The following DCDC1 variants were observed in gnomAD, a reference collection of about 807,000 sequenced individuals.
DCDC1 encodes the protein doublecortin domain-containing protein 1.
Under a neutral mutation model 178.3 loss-of-function variants are expected in DCDC1, and 200 were observed. The ratio of observed to expected loss-of-function variants is 1.12; its 90% CI spans 1.00 to 1.26. DCDC1 has a LOEUF of 1.26. Ranked by LOEUF, DCDC1 falls within the 50% of genes most tolerant of loss-of-function variation. The pLI is 0.00. For missense variants in DCDC1, 1,983 were observed against 1,749.2 expected (o/e 1.13, Z -2.38); for synonymous variants, 690 against 604.8 (o/e 1.14, Z -2.07).
chr11:31,270,679 G>A (rs1475934152), intron 7 of DCDC1, among the ~76,000 whole-genome samples: 2 of 152,140 alleles, frequency 1.3e-5, no homozygotes, highest in Non-Finnish European at 2.9e-5. Context: ...ACAATCTCAA[G>A]TTTGGAAAGT....
chr11:31,134,998 A>C (rs1323231126), intron 10 of DCDC1, among the ~76,000 whole-genome samples: 1 of 152,160 alleles, frequency 6.6e-6, no homozygotes, highest in East Asian at 1.9e-4. Flanking sequence ...CCTATCTCTA[A>C]AATAAAAAAA....
intron 3 of DCDC1, among the ~76,000 whole-genome samples, chr11:31,321,782 C>G (rs1302597589): frequency 6.6e-6 from 1 of 152,118 alleles, no homozygotes; most frequent in African/African-American, 2.4e-5. Context: ...GATCTCAACT[C>G]AGAACTTACA....
In DCDC1 at chr11:30,925,296, T is replaced by C. The variant is rs762091762; in HGVS notation, c.2997+13A>G. Reference sequence around the variant, plus strand: ...ATAAATTAATATTGCCAGTTTCAAATCCATGTCTTTACCAGTTCATCTCTT... The same window carrying C: ...ATAAATTAATATTGCCAGTTTCAAACCCATGTCTTTACCAGTTCATCTCTT... On this transcript the variant is annotated intron_variant, in intron 23 of 38. Transcript: ENST00000684477. 6 of 1,608,018 alleles carry C rather than the reference T, an allele frequency of 3.7e-6. No individual in the cohort carries two copies. In the African/African-American group the frequency reaches 8.0e-5, roughly 22 times the overall value.
chr11:31,001,756 TTC>T (rs1364902843), intron 20 of DCDC1, among the ~76,000 whole-genome samples: 1 of 152,246 alleles, frequency 6.6e-6, no homozygotes, highest in African/African-American at 2.4e-5. Context: ...ATGATACACT[TTC>T]TGTTTCCTAT....
At chr11:31,326,369 C>T (rs1450949177) in intron 3 of DCDC1, among the ~76,000 whole-genome samples, 1 of 134,490 alleles carries the variant, frequency 7.4e-6, no homozygotes, top group Non-Finnish European at 1.7e-5. Context: ...TTTAGCTTTA[C>T]CATAAAAAAA....
At chr11:30,920,325 C>A (rs2134237696) in intron 25 of DCDC1, among the ~76,000 whole-genome samples, 1 of 152,230 alleles carries the variant, frequency 6.6e-6, no homozygotes, top group East Asian at 1.9e-4. Flanking sequence ...AGTTAATTGT[C>A]TACAGTTTAA....
intron 18 of DCDC1, among the ~76,000 whole-genome samples, chr11:31,066,652 A>G (rs1396960179): frequency 2.6e-5 from 4 of 152,234 alleles, no homozygotes; most frequent in East Asian, 3.8e-4. Flanking sequence ...ATTACTAAAC[A>G]TAAGAGTCGA....
intron 20 of DCDC1, among the ~76,000 whole-genome samples, chr11:30,980,992 C>A (rs1950367059): frequency 6.6e-6 from 1 of 152,042 alleles, no homozygotes; most frequent in African/African-American, 2.4e-5. Flanking sequence ...ATATATACAC[C>A]ACGAATACAA....
rs200169786 is a variant in DCDC1 at position 31,290,687 on chromosome 11, T to C, written c.920A>G (p.Asp307Gly). ...TTTTCCCACTGTAATCTCATGCCCA[T>C]CCTGCCCCATGCCATTCTTAAAGAA... ...ILFFKNGMGQ[D>G]GHEITVGKET... The change falls in exon 7 of 39, where the codon GAT (aspartate) becomes GGT (glycine). Residue 307 changes from aspartate to glycine, a missense_variant. By Grantham distance (94) the Asp-to-Gly change is moderately conservative. Transcript: ENST00000684477. 29 of 1,613,382 alleles carry C rather than the reference T, an allele frequency of 1.8e-5. No individual in the cohort carries two copies. Among genetic ancestry groups the C allele is most frequent in the Non-Finnish European group, 2.3e-5 (27 of 1,179,502 alleles).
intron 8 of DCDC1, among the ~76,000 whole-genome samples, chr11:31,257,065 C>A (rs1398371414): frequency 6.6e-6 from 1 of 152,132 alleles, no homozygotes; most frequent in East Asian, 1.9e-4. Context: ...ATATTTGCTG[C>A]TTTTCTGTAT....
intron 37 of DCDC1, among the ~76,000 whole-genome samples, chr11:30,880,782 G>T (rs1015377204): frequency 3.3e-5 from 5 of 152,100 alleles, no homozygotes; most frequent in Non-Finnish European, 7.4e-5. Context: ...AAAAGAAACT[G>T]CAAACCACAT....
chr11:31,284,592 A>C (rs1329117153), intron 7 of DCDC1, among the ~76,000 whole-genome samples: 2 of 152,092 alleles, frequency 1.3e-5, no homozygotes, highest in Non-Finnish European at 2.9e-5. Context: ...AATAATTTTA[A>C]TAAAAAACAC....
chr11:30,975,160 T>A (rs1272620758), intron 20 of DCDC1, among the ~76,000 whole-genome samples: 1 of 152,084 alleles, frequency 6.6e-6, no homozygotes, highest in Non-Finnish European at 1.5e-5. Flanking sequence ...AAGCATTTGA[T>A]AAAATTTAAC....
At chr11:31,327,293 C>T (rs1047212184) in intron 3 of DCDC1, among the ~76,000 whole-genome samples, 5 of 151,992 alleles carry the variant, frequency 3.3e-5, no homozygotes, top group African/African-American at 7.3e-5. Flanking sequence ...CTCAGCCTCC[C>T]GAGTAGCTGG....
intron 9 of DCDC1, among the ~76,000 whole-genome samples, chr11:31,238,380 G>C (rs1472214893): frequency 6.6e-6 from 1 of 152,110 alleles, no homozygotes; most frequent in Non-Finnish European, 1.5e-5. Flanking sequence ...AGAACATCAT[G>C]TTTAAAAATC....
chr11:31,152,361 T>A (rs7101538), intron 9 of DCDC1, among the ~76,000 whole-genome samples: 3,135 of 152,254 alleles, frequency 0.021, 97 homozygotes, highest in African/African-American at 0.07. Context: ...ATAGTTGTAT[T>A]TCAAAAAAAG....
intron 17 of DCDC1, among the ~76,000 whole-genome samples, chr11:31,088,098 C>T (rs151089715): frequency 1.8e-4 from 28 of 152,060 alleles, no homozygotes; most frequent in Admixed American, 6.5e-4. Context: ...TTTTTACTGA[C>T]GTCTACTTTA....
At chr11:31,145,518 C>T (rs1384177659) in intron 9 of DCDC1, among the ~76,000 whole-genome samples, 2 of 152,186 alleles carry the variant, frequency 1.3e-5, no homozygotes, top group Admixed American at 1.3e-4. Flanking sequence ...CTTATTTTTT[C>T]AGGATCCCAG....
At position 30,863,768 on chromosome 11, in the gene DCDC1, C is replaced by A. The variant is rs1441285932; in HGVS notation, c.*1605G>T. ...TAAAGATTATGGAAATGAGAAATAT[C>A]TTCTCTTTTATCAGAACTTCTTTAT... On this transcript the variant is annotated 3_prime_UTR_variant, in exon 39 of 39. Transcript: ENST00000684477. The A allele has an allele frequency of 3.3e-5, 5 of 152,252 alleles. No homozygotes were observed. The highest frequency in any genetic ancestry group is 1.2e-4 in the African/African-American group (5 of 41,472). The allele number at this position is 152,252 out of a possible 1,614,324, so 9.4% of individuals were successfully genotyped here. A position where few individuals can be genotyped will look rare whatever the true frequency, so the allele number is the denominator to read the frequency against.
Sources: allele counts gnomAD v4.1 joint callset (sites outside exome capture counted in the v4.1 genomes callset), GRCh38; gene constraint gnomAD v4.1.1; transcripts MANE v1.5; gene names NCBI Gene and HGNC (gene_info 2026-07-23, HGNC 2026-07-21).